TYR: variants seen among roughly 807,000 people sequenced by gnomAD.
TYR encodes tyrosinase.
TYR carries 58 observed loss-of-function variants against 51.5 expected under a neutral mutation model. That is an observed-to-expected ratio of 1.13 (90% CI 0.91 to 1.40). The LOEUF (loss-of-function observed/expected upper bound fraction) is 1.40. Among genes scored for constraint, TYR ranks in the 40% most tolerant of loss-of-function variants. The pLI is 0.00. For synonymous variants in TYR, 263 were observed against 235.2 expected, an observed-to-expected ratio of 1.12 and a Z score of -1.08; for missense variants, 732 against 647.4, an observed-to-expected ratio of 1.13 and a Z score of -1.42.
chr11:89,251,260 G>T (rs1402227114), intron 3 of TYR, among the ~76,000 whole-genome samples: 1 of 151,860 alleles, frequency 6.6e-6, no homozygotes, highest in African/African-American at 2.4e-5. Context: ...ATTTTGAAAA[G>T]CTCCTTTACC....
At chr11:89,198,771 T>TATATATA (rs1565394780) in intron 2 of TYR, among the ~76,000 whole-genome samples, 4 of 123,340 alleles carry the variant, frequency 3.2e-5, no homozygotes, top group Admixed American at 7.5e-5. Flanking sequence ...ATATATATAT[T>TATATATA]TTTATACTTT....
chr11:89,215,358 A>G (rs1319484351), intron 2 of TYR, among the ~76,000 whole-genome samples: 6 of 135,990 alleles, frequency 4.4e-5, no homozygotes, highest in Admixed American at 2.3e-4. Context: ...AGGATGGGGA[A>G]CATCCCTGTT....
At chr11:89,205,059 A>C (rs1943654067) in intron 2 of TYR, among the ~76,000 whole-genome samples, 2 of 152,188 alleles carry the variant, frequency 1.3e-5, no homozygotes, top group African/African-American at 4.8e-5. Flanking sequence ...ACTTCGCAAG[A>C]AAATGGAAGA....
At chr11:89,218,843 T>C (rs1943870074) in intron 2 of TYR, among the ~76,000 whole-genome samples, 1 of 152,154 alleles carries the variant, frequency 6.6e-6, no homozygotes, top group African/African-American at 2.4e-5. Flanking sequence ...GCAAGGGAGA[T>C]CATGTCCTCA....
chr11:89,258,619 T>C (rs577175821), intron 3 of TYR, among the ~76,000 whole-genome samples: 1 of 152,216 alleles, frequency 6.6e-6, no homozygotes, highest in African/African-American at 2.4e-5. Flanking sequence ...CATGAAATTA[T>C]GAAGAAACAG....
At position 89,178,441 on chromosome 11, in the gene TYR, C is replaced by A. The variant is rs531962127; in HGVS notation, c.488C>A (p.Ser163Ter). The A allele has an allele frequency of 1.2e-6, 2 of 1,614,168 alleles. No homozygotes were observed. The highest frequency in any genetic ancestry group is 1.7e-6 in the Non-Finnish European group (2 of 1,180,020). Reference sequence around the variant, plus strand: ...ACCTATGGCCAAATGAAAAATGGATCAACACCCATGTTTAACGACATCAAT... The same window carrying A: ...ACCTATGGCCAAATGAAAAATGGATAAACACCCATGTTTAACGACATCAAT... ...IGTYGQMKNG[S>*]TPMFNDINIY... Residue 163 changes from serine (S) to a stop codon, truncating the protein, a stop_gained, in exon 1 of 5, where the codon TCA becomes TAA. Transcript: ENST00000263321. LOFTEE classifies it high-confidence loss of function.
chr11:89,216,744 T>C (rs1287329601), intron 2 of TYR, among the ~76,000 whole-genome samples: 2 of 151,936 alleles, frequency 1.3e-5, no homozygotes, highest in African/African-American at 4.8e-5. Flanking sequence ...TGAAGTTAGA[T>C]CTTCAAGATC....
At chr11:89,255,494 T>G (rs1944379672) in intron 3 of TYR, among the ~76,000 whole-genome samples, 1 of 151,788 alleles carries the variant, frequency 6.6e-6, no homozygotes, top group African/African-American at 2.4e-5. Flanking sequence ...TATTCCTTTC[T>G]TAAATGTTTG....
chr11:89,279,899 G>C (rs1264385294), intron 3 of TYR, among the ~76,000 whole-genome samples: 1 of 151,624 alleles, frequency 6.6e-6, no homozygotes, highest in African/African-American at 2.4e-5. Flanking sequence ...TCAAGACAGA[G>C]TATCTACATA....
rs1467714746 is a variant in TYR at position 89,179,291 on chromosome 11, G to A, written c.819+519G>A. 2.0e-5 allele frequency among the ~76,000 whole-genome samples: 3 copies of A among 152,280 alleles called. No individual in the cohort carries two copies. The East Asian group carries it at 5.8e-4, about 29-fold the overall frequency. On this transcript the variant is annotated intron_variant, in intron 1 of 4. Coordinates refer to ENST00000263321, the MANE Select transcript of TYR (RefSeq NM_000372.5). ...CCCGAGAAGGCACAATTTACTAAAT[G>A]TCTATGGTGATTCTTTTAATCAGGA...
chr11:89,256,601 A>G (rs1224503616), intron 3 of TYR, among the ~76,000 whole-genome samples: 3 of 151,958 alleles, frequency 2.0e-5, no homozygotes, highest in African/African-American at 7.2e-5. Flanking sequence ...TAGCTTAAAT[A>G]GATATTTGAA....
intron 2 of TYR, among the ~76,000 whole-genome samples, chr11:89,226,120 A>G (rs982875536): frequency 6.6e-6 from 1 of 151,968 alleles, no homozygotes; most frequent in Non-Finnish European, 1.5e-5. Flanking sequence ...GGTGCTACTC[A>G]GAGATAAAAT....
intron 4 of TYR, among the ~76,000 whole-genome samples, chr11:89,292,809 T>A (rs1261888814): frequency 6.6e-6 from 1 of 152,158 alleles, no homozygotes; most frequent in Non-Finnish European, 1.5e-5. Context: ...CAGCAGATTC[T>A]AAACTGCCAA....
intron 1 of TYR, among the ~76,000 whole-genome samples, chr11:89,187,058 G>A (rs150252057): frequency 6.6e-6 from 1 of 152,218 alleles, no homozygotes; most frequent in East Asian, 1.9e-4. Context: ...ATTTTCTTAT[G>A]GCAGCCTGAA....
chr11:89,263,102 T>A (rs1944482407), intron 3 of TYR, among the ~76,000 whole-genome samples: 1 of 151,264 alleles, frequency 6.6e-6, no homozygotes, highest in African/African-American at 2.4e-5. Flanking sequence ...GGAAAAAAAA[T>A]TCTAAGCAAA....
chr11:89,229,314 T>C (rs1037789517), intron 3 of TYR, among the ~76,000 whole-genome samples: 3 of 152,156 alleles, frequency 2.0e-5, no homozygotes, highest in South Asian at 4.1e-4. Flanking sequence ...TTGGTGTCAA[T>C]ACCAACATCA....
At chr11:89,225,634 T>A (rs1943966998) in intron 2 of TYR, among the ~76,000 whole-genome samples, 1 of 151,892 alleles carries the variant, frequency 6.6e-6, no homozygotes, top group African/African-American at 2.4e-5. Flanking sequence ...TTGTTTTTGA[T>A]ATGGATGATG....
At chr11:89,265,383 C>T (rs1162134586) in intron 3 of TYR, among the ~76,000 whole-genome samples, 1 of 152,084 alleles carries the variant, frequency 6.6e-6, no homozygotes, top group Non-Finnish European at 1.5e-5. Flanking sequence ...CAGAATTCCT[C>T]TGCCTTCGCC....
chr11:89,253,772 C>A (rs1437636354), intron 3 of TYR, among the ~76,000 whole-genome samples: 1 of 151,654 alleles, frequency 6.6e-6, no homozygotes, highest in Non-Finnish European at 1.5e-5. Context: ...TATCAGCAAA[C>A]AGCAACAGTT....
Sources: gnomAD v4.1 joint callset for allele counts (sites outside exome capture counted in the v4.1 genomes callset) on GRCh38, gnomAD v4.1.1 for gene constraint, MANE v1.5 for transcripts, NCBI Gene and HGNC (gene_info 2026-07-23, HGNC 2026-07-21) for gene names.